AMDHD2: variants seen among roughly 807,000 people sequenced by gnomAD.
AMDHD2 encodes amidohydrolase domain containing 2.
In AMDHD2, 24 loss-of-function variants were observed where a neutral mutation model predicts 41.8. That is an observed-to-expected ratio of 0.57 (90% CI 0.42 to 0.81). AMDHD2 has a LOEUF of 0.81. Among genes scored for constraint, AMDHD2 ranks in the 30% least tolerant of loss-of-function variants. The pLI, the probability that AMDHD2 is intolerant of heterozygous loss-of-function variation, is 0.00. For missense variants in AMDHD2, 540 were observed against 588.5 expected, an observed-to-expected ratio of 0.92 and a Z score of 0.85; for synonymous variants, 332 against 255.5, an observed-to-expected ratio of 1.30 and a Z score of -2.85.
In AMDHD2 at chr16:2,527,538, C is replaced by CT. The variant is rs2141908838; in HGVS notation, c.361-20dup. ...TGGGAATGGGCTGTGGGGGACAGGG[C>CT]TTTAACAGCTGGTTCCCCCCAGGTT... is the stretch of plus-strand genomic sequence containing the variant. On this transcript the variant is annotated intron_variant, in intron 3 of 10. Coordinates refer to ENST00000293971, the MANE Select transcript of AMDHD2 (RefSeq NM_001330449.2). The surrounding 1 kb of genome is among the most constrained non-coding windows in gnomAD (Gnocchi z 6.1). The CT allele has an allele frequency of 6.2e-7, 1 of 1,607,952 alleles. No homozygotes were observed. Among genetic ancestry groups the CT allele is most frequent in the African/African-American group, 1.3e-5 (1 of 74,992 alleles).
At position 2,527,191 on chromosome 16, in the gene AMDHD2, C is replaced by G; in HGVS notation, c.361-370C>G. The stretch of plus-strand genomic sequence containing the variant: ...AGCTCCGGCCATGGTGTGGACCACA[C>G]ACAGTGCTGAGCCCTGGCCATGCCC... On this transcript the variant is annotated intron_variant, in intron 3 of 10. Coordinates refer to ENST00000293971, the MANE Select transcript of AMDHD2 (RefSeq NM_001330449.2). This position sits in a 1 kb window ranked among gnomAD's most constrained non-coding sequence, Gnocchi z 6.1. The G allele has an allele frequency of 3.0e-6, 1 of 337,674 alleles. No homozygotes were observed. The highest frequency in any genetic ancestry group is 5.5e-6 in the Non-Finnish European group (1 of 182,310). The allele number at this position is 337,674 out of a possible 1,614,324, so 20.9% of individuals were successfully genotyped here.
In AMDHD2 at chr16:2,530,697, G is replaced by GC. The variant is rs2066079847; in HGVS notation, c.*1138dup. Reference sequence around the variant, plus strand: ...GGTCCAAAGAGATAGGATGGTCTGGGCCCCACCTGTTGGAAGGGAACAGCC... The same window carrying GC: ...GGTCCAAAGAGATAGGATGGTCTGGGCCCCCACCTGTTGGAAGGGAACAGCC... On this transcript the variant is annotated 3_prime_UTR_variant, in exon 11 of 11. Coordinates refer to ENST00000293971, the MANE Select transcript of AMDHD2 (RefSeq NM_001330449.2). 4 of 1,614,064 alleles carry GC rather than the reference G, an allele frequency of 2.5e-6. No homozygotes were observed. Among genetic ancestry groups the GC allele is most frequent in the Non-Finnish European group, 2.5e-6 (3 of 1,180,010 alleles).
At chr16:2,525,176 C>A (rs537666864) in intron 3 of AMDHD2, among the ~76,000 whole-genome samples, 1 of 151,644 alleles carries the variant, frequency 6.6e-6, no homozygotes, top group South Asian at 2.1e-4. Context: ...CCTGCTTCAG[C>A]CTCCGGAGTA....
intron 3 of AMDHD2, among the ~76,000 whole-genome samples, chr16:2,522,549 T>C (rs111554595): frequency 0.061 from 9,343 of 152,034 alleles, 964 homozygotes; most frequent in African/African-American, 0.21. Flanking sequence ...TGGTTGCGCC[T>C]ACCTGTAGTC....
chr16:2,529,892 C>A lies in AMDHD2; in HGVS notation c.*329C>A. 2 of 1,148,810 alleles carry A rather than the reference C, an allele frequency of 1.7e-6. No homozygotes were observed. Among genetic ancestry groups the A allele is most frequent in the Non-Finnish European group, 2.4e-6 (2 of 848,120 alleles). 71.2% of individuals were successfully genotyped at this position (1,148,810 alleles called of 1,614,324 possible). On this transcript the variant is annotated 3_prime_UTR_variant, in exon 11 of 11. Coordinates refer to ENST00000293971, the MANE Select transcript of AMDHD2 (RefSeq NM_001330449.2). The stretch of plus-strand genomic sequence containing the variant: ...CAGGGCCTGTCTGCATGAAGTGGAC[C>A]GGAGACCTGCAGACCCCAGGAAAGT...
chr16:2,530,477 G>A lies in AMDHD2; in HGVS notation c.*914G>A. ...TCTTGGCTCTGAGGACAGCCACAGTGGGGTCAGACGTCAGGGATTGGTGCA... is the reference window on the plus strand; with the variant it reads ...TCTTGGCTCTGAGGACAGCCACAGTAGGGTCAGACGTCAGGGATTGGTGCA... On this transcript the variant is annotated 3_prime_UTR_variant, in exon 11 of 11. Coordinates refer to ENST00000293971, the MANE Select transcript of AMDHD2 (RefSeq NM_001330449.2). The A allele has an allele frequency of 6.2e-7, 1 of 1,614,152 alleles. No individual in the cohort carries two copies. The highest frequency in any genetic ancestry group is 2.2e-5 in the East Asian group (1 of 44,884).
At position 2,528,432 on chromosome 16, in the gene AMDHD2, C is replaced by T. The variant is rs1008683876; in HGVS notation, c.863-20C>T. Reference sequence around the variant, plus strand: ...GGTAGGATGACTGGGCTAGCAGGTTCTGAGCCTCTTCTCCCCCAGGGCTGG... The same window carrying T: ...GGTAGGATGACTGGGCTAGCAGGTTTTGAGCCTCTTCTCCCCCAGGGCTGG... On this transcript the variant is annotated intron_variant, in intron 7 of 10. Coordinates refer to ENST00000293971, the MANE Select transcript of AMDHD2 (RefSeq NM_001330449.2). 3.1e-6 allele frequency: 5 copies of T among 1,612,846 alleles called. No homozygotes were observed. The highest frequency in any genetic ancestry group is 3.4e-6 in the Non-Finnish European group (4 of 1,179,928).
At chr16:2,524,556 G>T (rs1376251661) in intron 3 of AMDHD2, among the ~76,000 whole-genome samples, 1 of 152,106 alleles carries the variant, frequency 6.6e-6, no homozygotes, top group Non-Finnish European at 1.5e-5. Context: ...CTCCATTCTG[G>T]AAAAACTCAG....
At chr16:2,526,786 C>T (rs1012353063) in intron 3 of AMDHD2, among the ~76,000 whole-genome samples, 1 of 152,022 alleles carries the variant, frequency 6.6e-6, no homozygotes, top group Non-Finnish European at 1.5e-5. Flanking sequence ...CAAAATTAGC[C>T]GAGCATGGTC....
chr16:2,530,783 A>C lies in AMDHD2; in HGVS notation c.*1220A>C. 6.2e-7 allele frequency: 1 copy of C among 1,613,678 alleles called. No individual in the cohort carries two copies. Among genetic ancestry groups the C allele is most frequent in the South Asian group, 1.1e-5 (1 of 91,086 alleles). ...GAGGGAGGGCCTGGGGCAGGGCACA[A>C]GGGGTTGATCTCAGCCCACAAGCCC... is the stretch of plus-strand genomic sequence containing the variant. On this transcript the variant is annotated 3_prime_UTR_variant, in exon 11 of 11. Coordinates refer to ENST00000293971, the MANE Select transcript of AMDHD2 (RefSeq NM_001330449.2).
chr16:2,530,433 G>A lies in AMDHD2; in HGVS notation c.*870G>A, dbSNP rs185302486. ...GAGGCTCCCTGAACAGCTTCGAGGCGGGTGGGCTTCTGGAGCCCTCTTGGC... is the reference window on the plus strand; with the variant it reads ...GAGGCTCCCTGAACAGCTTCGAGGCAGGTGGGCTTCTGGAGCCCTCTTGGC... On this transcript the variant is annotated 3_prime_UTR_variant, in exon 11 of 11. Transcript: ENST00000293971. 23 of 1,614,046 alleles carry A rather than the reference G, an allele frequency of 1.4e-5. No homozygotes were observed. The highest frequency in any genetic ancestry group is 6.7e-5 in the East Asian group (3 of 44,884).
At chr16:2,522,491 C>G (rs981626070) in intron 3 of AMDHD2, among the ~76,000 whole-genome samples, 1 of 152,028 alleles carries the variant, frequency 6.6e-6, no homozygotes, top group Non-Finnish European at 1.5e-5. Context: ...TCTTGGCTAA[C>G]ACAGTGAAAC....
chr16:2,527,257 C>G lies in AMDHD2; in HGVS notation c.361-304C>G. 4.0e-6 allele frequency: 2 copies of G among 495,160 alleles called. No individual in the cohort carries two copies. 30.7% of individuals were successfully genotyped at this position (495,160 alleles called of 1,614,324 possible). On this transcript the variant is annotated intron_variant, in intron 3 of 10. Transcript: ENST00000293971. The surrounding 1 kb of genome is among the most constrained non-coding windows in gnomAD (Gnocchi z 6.1). ...CCAGGGTCCCTGCTGCTCCCAGGAG[C>G]CTCCTGCCTCCCAGCCCTGCTCCCT...
intron 3 of AMDHD2, among the ~76,000 whole-genome samples, chr16:2,523,902 TC>T (rs2065971939): frequency 6.6e-6 from 1 of 152,188 alleles, no homozygotes; most frequent in African/African-American, 2.4e-5. Flanking sequence ...TGCCTACCTG[TC>T]CCCACTGTGC....
In AMDHD2 at chr16:2,530,174, T is replaced by C. The variant is rs2066066749; in HGVS notation, c.*611T>C. 9 of 1,468,474 alleles carry C rather than the reference T, an allele frequency of 6.1e-6. No individual in the cohort carries two copies. In the East Asian group the frequency reaches 2.0e-4, roughly 32 times the overall value. The allele number at this position is 1,468,474 out of a possible 1,614,324, so 91.0% of individuals were successfully genotyped here. A position where few individuals can be genotyped will look rare whatever the true frequency, so the allele number is the denominator to read the frequency against. On this transcript the variant is annotated 3_prime_UTR_variant, in exon 11 of 11. Transcript: ENST00000293971. ...CCCGGGACCCCTGTTTTCTGCTCCC[T>C]GGACTGCCTAGCCCTGAGTGCCACG...
Position 2,530,963 on chromosome 16 carries a change from C to G in AMDHD2, c.*1400C>G, listed in dbSNP as rs1374527750. ...GTGCTGGGCCTGGGAGAGGAGCTGT[C>G]TTGCCAGGGCTCCCAGGCAGGGAGA... is the stretch of plus-strand genomic sequence containing the variant. On this transcript the variant is annotated 3_prime_UTR_variant, in exon 11 of 11. Coordinates refer to ENST00000293971, the MANE Select transcript of AMDHD2 (RefSeq NM_001330449.2). 1.2e-6 allele frequency: 2 copies of G among 1,613,484 alleles called. No individual in the cohort carries two copies. The highest frequency in any genetic ancestry group is 1.1e-5 in the South Asian group (1 of 91,080).
intron 3 of AMDHD2, among the ~76,000 whole-genome samples, chr16:2,522,296 G>C (rs2065951231): frequency 6.6e-6 from 1 of 152,152 alleles, no homozygotes; most frequent in Admixed American, 6.5e-5. Context: ...TGCCCAGGCT[G>C]GTTCTGAACT....
chr16:2,528,006 G>A (rs758970469), intron 5 of AMDHD2, 21 bp downstream of exon 5: 6 of 1,609,288 alleles, frequency 3.7e-6, no homozygotes, highest in Middle Eastern at 1.7e-4. Context: ...GGCTCGGGGT[G>A]GGCCTGCTTG....
At position 2,531,214 on chromosome 16, in the gene AMDHD2, G is replaced by A. The variant is rs777913133; in HGVS notation, c.*1651G>A. The A allele has an allele frequency of 4.4e-5, 48 of 1,093,496 alleles. No homozygotes were observed. Among genetic ancestry groups the A allele is most frequent in the Non-Finnish European group, 5.8e-5 (45 of 772,096 alleles). 67.7% of individuals were successfully genotyped at this position (1,093,496 alleles called of 1,614,324 possible). A position where few individuals can be genotyped will look rare whatever the true frequency, so the allele number is the denominator to read the frequency against. ...CCAGCGCCCCACCTCCCTGGCTGGA[G>A]GGTCGGGGAGGGGCTGGCAGAGATG... On this transcript the variant is annotated 3_prime_UTR_variant, in exon 11 of 11. Coordinates refer to ENST00000293971, the MANE Select transcript of AMDHD2 (RefSeq NM_001330449.2).
Sources: allele counts gnomAD v4.1 joint callset (sites outside exome capture counted in the v4.1 genomes callset), GRCh38; gene constraint gnomAD v4.1.1; non-coding constraint Gnocchi (gnomAD v3.1); transcripts MANE v1.5; gene names NCBI Gene and HGNC (gene_info 2026-07-23, HGNC 2026-07-21).